The following MRPS28 variants were observed in gnomAD, a reference collection of about 807,000 sequenced individuals.
MRPS28 encodes the protein small ribosomal subunit protein bS1m.
MRPS28 carries 7 observed loss-of-function variants against 10.8 expected under a neutral mutation model. That is an observed-to-expected ratio of 0.65 (90% CI 0.37 to 1.22). The LOEUF (loss-of-function observed/expected upper bound fraction) is 1.22, where lower values mean the gene tolerates loss of function less well. Ranked by LOEUF, MRPS28 falls within the 50% of genes most tolerant of loss-of-function variation. MRPS28 has a pLI of 0.02. For missense variants in MRPS28, 265 were observed against 232.9 expected, an observed-to-expected ratio of 1.14 and a Z score of -0.90; for synonymous variants, 121 against 93.3, an observed-to-expected ratio of 1.30 and a Z score of -1.71.
At chr8:80,028,800 C>CAA (rs759560310) in intron 1 of MRPS28, 2 of 151,200 alleles carry the variant, frequency 1.3e-5, no homozygotes, top group Non-Finnish European at 2.9e-5. Context: ...CCCATCTCTA[C>CAA]AAAAAAAAAC....
intron 1 of MRPS28, among the ~76,000 whole-genome samples, chr8:80,010,080 C>T (rs1586094789): frequency 6.6e-6 from 1 of 152,142 alleles, no homozygotes; most frequent in African/African-American, 2.4e-5. Context: ...TTCCGGGAAT[C>T]TTTTTACATA....
intron 2 of MRPS28, among the ~76,000 whole-genome samples, chr8:79,999,207 A>T (rs1808590140): frequency 1.3e-5 from 2 of 152,242 alleles, no homozygotes; most frequent in Admixed American, 6.5e-5. Context: ...GCCTGACAGT[A>T]TAACTGCAGA....
At chr8:79,949,808 C>A (rs190487085) in intron 2 of MRPS28, among the ~76,000 whole-genome samples, 128 of 152,264 alleles carry the variant, frequency 8.4e-4, no homozygotes, top group African/African-American at 3.0e-3. Context: ...AAATCACCAA[C>A]TAAAAATAAA....
chr8:79,958,960 A>C (rs1586059510), intron 2 of MRPS28, among the ~76,000 whole-genome samples: 2 of 152,154 alleles, frequency 1.3e-5, no homozygotes, highest in African/African-American at 4.8e-5. Flanking sequence ...TTTGGAGACT[A>C]TATGAGTTAA....
chr8:79,924,793 C>A (rs960760205), intron 2 of MRPS28, among the ~76,000 whole-genome samples: 2 of 152,054 alleles, frequency 1.3e-5, no homozygotes, highest in Non-Finnish European at 2.9e-5. Context: ...TGCCATGTTC[C>A]CTCGACCTGT....
At chr8:79,961,392 A>G (rs1025807902) in intron 2 of MRPS28, among the ~76,000 whole-genome samples, 7 of 152,138 alleles carry the variant, frequency 4.6e-5, no homozygotes, top group Admixed American at 6.6e-5. Flanking sequence ...ACTTCCTGTT[A>G]ATATTGATGC....
At chr8:80,028,663 C>CGGGGGGGGGGGGGG (rs1809559017) in intron 1 of MRPS28, 2 of 15,556 alleles carry the variant, frequency 1.3e-4, no homozygotes, top group Admixed American at 9.9e-4. Flanking sequence ...GGGGGCGGGG[C>CGGGGGGGGGGGGGG]CGGGCGGGGT....
intron 2 of MRPS28, among the ~76,000 whole-genome samples, chr8:79,919,736 T>C (rs1810022130): frequency 6.6e-6 from 1 of 152,228 alleles, no homozygotes; most frequent in African/African-American, 2.4e-5. Flanking sequence ...AATTTGTCAA[T>C]TAAAGTCAGA....
intron 2 of MRPS28, among the ~76,000 whole-genome samples, chr8:79,992,407 C>T (rs748737504): frequency 5.3e-5 from 8 of 152,314 alleles, no homozygotes; most frequent in East Asian, 1.9e-4. Context: ...CTCTATCCTT[C>T]GGTATCTAAC....
At chr8:79,972,266 CACT>C (rs1222511924) in intron 2 of MRPS28, among the ~76,000 whole-genome samples, 3 of 152,136 alleles carry the variant, frequency 2.0e-5, no homozygotes, top group Non-Finnish European at 1.5e-5. Context: ...TATACCCAAG[CACT>C]ATGCCATTTT....
chr8:79,963,299 G>A (rs1375325285), intron 2 of MRPS28, among the ~76,000 whole-genome samples: 1 of 151,972 alleles, frequency 6.6e-6, no homozygotes, highest in East Asian at 1.9e-4. Context: ...AGCCTACTAT[G>A]TATTTTCAGT....
chr8:79,996,840 T>C (rs577184118), intron 2 of MRPS28, among the ~76,000 whole-genome samples: 3 of 152,252 alleles, frequency 2.0e-5, no homozygotes, highest in Middle Eastern at 3.2e-3. Flanking sequence ...TGAGTTACTA[T>C]ATATTGTATG....
chr8:79,947,634 T>G (rs1806955933), intron 2 of MRPS28, among the ~76,000 whole-genome samples: 1 of 141,838 alleles, frequency 7.1e-6, no homozygotes, highest in African/African-American at 2.6e-5. Context: ...ATTAAGTTTT[T>G]TTTTTTTTTT....
At chr8:79,962,888 A>C (rs1480112991) in intron 2 of MRPS28, among the ~76,000 whole-genome samples, 1 of 152,128 alleles carries the variant, frequency 6.6e-6, no homozygotes, top group Non-Finnish European at 1.5e-5. Context: ...GATCACTGAA[A>C]GAAACTAGGA....
intron 2 of MRPS28, chr8:79,958,321 T>C (rs1182638181): frequency 1.5e-6 from 1 of 687,800 alleles, no homozygotes; most frequent in Admixed American, 2.1e-5. Flanking sequence ...TCATCCATGT[T>C]GTATTACAAC....
At chr8:79,989,380 A>G (rs939400247) in intron 2 of MRPS28, among the ~76,000 whole-genome samples, 7 of 152,216 alleles carry the variant, frequency 4.6e-5, no homozygotes, top group Non-Finnish European at 8.8e-5. Context: ...GATTTCAAGA[A>G]AGGAGATAAG....
chr8:80,009,242 CAGG>C (rs1482959244), intron 1 of MRPS28, among the ~76,000 whole-genome samples: 1 of 152,030 alleles, frequency 6.6e-6, no homozygotes, highest in East Asian at 1.9e-4. Context: ...CACCTGGACA[CAGG>C]AAAGGGAACA....
chr8:80,013,467 T>A (rs924020773), intron 1 of MRPS28, among the ~76,000 whole-genome samples: 1 of 151,416 alleles, frequency 6.6e-6, no homozygotes, highest in Non-Finnish European at 1.5e-5. Context: ...AAACCCTGTC[T>A]CTACTAAAAA....
intron 2 of MRPS28, among the ~76,000 whole-genome samples, chr8:79,939,742 A>G (rs201414778): frequency 7.9e-5 from 12 of 152,178 alleles, no homozygotes; most frequent in African/African-American, 1.9e-4. Context: ...AGGCCGAGGC[A>G]GGCGGATCAC....
Sources: allele counts gnomAD v4.1 joint callset (sites outside exome capture counted in the v4.1 genomes callset), GRCh38; gene constraint gnomAD v4.1.1; transcripts MANE v1.5; gene names NCBI Gene and HGNC (gene_info 2026-07-23, HGNC 2026-07-21).